Variants in PTPRD observed in about 807,000 individuals in gnomAD.
PTPRD encodes the protein receptor-type tyrosine-protein phosphatase delta.
PTPRD carries 34 observed loss-of-function variants against 214.5 expected under a neutral mutation model. The ratio of observed to expected loss-of-function variants is 0.16; its 90% CI spans 0.12 to 0.21. The LOEUF (loss-of-function observed/expected upper bound fraction) is 0.21. Ranked by LOEUF, PTPRD falls within the 10% of genes least tolerant of loss-of-function variation. The probability of loss-of-function intolerance (pLI) is 1.00; values close to 1 mark genes in which losing one functional copy is unlikely to be tolerated. For missense variants in PTPRD, 2,545 were observed against 2,398.7 expected (o/e 1.06, Z -1.27); for synonymous variants, 1,128 against 845.7 (o/e 1.33, Z -5.79).
At chr9:8,803,357 G>A in intron 11 of PTPRD, among the ~76,000 whole-genome samples, 1 of 152,104 alleles carries the variant, frequency 6.6e-6, no homozygotes, top group East Asian at 1.9e-4. Context: ...AAATAACTAT[G>A]ATTACTGAAA....
chr9:8,869,143 C>A (rs2098250129), intron 11 of PTPRD, among the ~76,000 whole-genome samples: 2 of 152,224 alleles, frequency 1.3e-5, no homozygotes, highest in South Asian at 4.1e-4. Context: ...AGTCTTGATT[C>A]TTGATGCCTT....
chr9:8,600,374 C>T (rs1456872601), intron 14 of PTPRD, among the ~76,000 whole-genome samples: 1 of 152,268 alleles, frequency 6.6e-6, no homozygotes, highest in African/African-American at 2.4e-5. Context: ...TAGTGCTGCA[C>T]TGGGCTCACG....
At chr9:8,594,312 A>G (rs1254490833) in intron 14 of PTPRD, among the ~76,000 whole-genome samples, 2 of 152,350 alleles carry the variant, frequency 1.3e-5, no homozygotes, top group East Asian at 1.9e-4. Context: ...TTTCTATAAT[A>G]GAAAACTTAC....
At chr9:8,553,075 A>G (rs1215213143) in intron 14 of PTPRD, among the ~76,000 whole-genome samples, 1 of 152,158 alleles carries the variant, frequency 6.6e-6, no homozygotes, top group Non-Finnish European at 1.5e-5. Context: ...GAACCACAGA[A>G]TATGAAGAAT....
chr9:9,238,869 C>A (rs1044560870), intron 9 of PTPRD, among the ~76,000 whole-genome samples: 3 of 152,104 alleles, frequency 2.0e-5, no homozygotes, highest in Admixed American at 1.3e-4. Context: ...TGATATTCAG[C>A]CCCTTATTTT....
intron 4 of PTPRD, among the ~76,000 whole-genome samples, chr9:9,959,860 T>C (rs1333528204): frequency 6.6e-6 from 1 of 152,186 alleles, no homozygotes; most frequent in Non-Finnish European, 1.5e-5. Flanking sequence ...ATTAGAGTTG[T>C]AGACATTGGT....
chr9:10,074,847 C>T (rs1692955918), intron 3 of PTPRD, among the ~76,000 whole-genome samples: 1 of 152,096 alleles, frequency 6.6e-6, no homozygotes, highest in Non-Finnish European at 1.5e-5. Flanking sequence ...GTAATATAGC[C>T]ACCATTTCAG....
At chr9:8,895,260 A>G (rs1221299731) in intron 11 of PTPRD, among the ~76,000 whole-genome samples, 1 of 152,176 alleles carries the variant, frequency 6.6e-6, no homozygotes, top group East Asian at 1.9e-4. Context: ...AGACTATTTT[A>G]TAAGATACAC....
At chr9:10,287,201 G>C (rs2095385392) in intron 3 of PTPRD, among the ~76,000 whole-genome samples, 1 of 152,154 alleles carries the variant, frequency 6.6e-6, no homozygotes, top group African/African-American at 2.4e-5. Context: ...AAATTGACAA[G>C]GGTAGCGTCA....
chr9:8,389,434 C>A (rs201895961), intron 36 of PTPRD, 27 bp from the exon 37 acceptor site: 1 of 1,576,488 alleles, frequency 6.3e-7, no homozygotes, highest in Non-Finnish European at 8.6e-7. Flanking sequence ...GTTATTCAAC[C>A]AGGTGAGCAC....
At chr9:9,095,676 T>G (rs1264294504) in intron 10 of PTPRD, among the ~76,000 whole-genome samples, 1 of 152,074 alleles carries the variant, frequency 6.6e-6, no homozygotes, top group African/African-American at 2.4e-5. Flanking sequence ...GGGAGAACCA[T>G]TATGGAAAAC....
At chr9:10,438,005 C>CTATA (rs1180134707) in intron 2 of PTPRD, among the ~76,000 whole-genome samples, 1 of 110,664 alleles carries the variant, frequency 9.0e-6, no homozygotes. Flanking sequence ...CTCCCTAAGT[C>CTATA]TACATATATA....
At chr9:9,398,438 G>A (rs187901465) in intron 8 of PTPRD, among the ~76,000 whole-genome samples, 1 of 152,064 alleles carries the variant, frequency 6.6e-6, no homozygotes, top group African/African-American at 2.4e-5. Flanking sequence ...TTGAGCTAAA[G>A]GAGACAATTT....
chr9:9,038,989 G>C (rs1049808521), intron 10 of PTPRD, among the ~76,000 whole-genome samples: 1 of 152,056 alleles, frequency 6.6e-6, no homozygotes, highest in Non-Finnish European at 1.5e-5. Context: ...AAATAGCATA[G>C]GGTGGTGGTG....
intron 9 of PTPRD, among the ~76,000 whole-genome samples, chr9:9,291,524 G>A (rs1007583511): frequency 1.3e-5 from 2 of 151,026 alleles, no homozygotes; most frequent in South Asian, 4.2e-4. Context: ...ACATAAAACG[G>A]GATTTCCCAG....
intron 2 of PTPRD, among the ~76,000 whole-genome samples, chr9:10,611,169 T>C (rs2080868521): frequency 6.6e-6 from 1 of 152,250 alleles, no homozygotes; most frequent in South Asian, 2.1e-4. Flanking sequence ...AAATTAACAG[T>C]TAAAGATAAA....
intron 6 of PTPRD, among the ~76,000 whole-genome samples, chr9:9,736,301 C>G (rs139518215): frequency 1.2e-4 from 19 of 152,228 alleles, no homozygotes; most frequent in African/African-American, 3.6e-4. Flanking sequence ...ATCTCTCTCT[C>G]TGTGTACTTC....
chr9:8,458,332 T>A (rs1184637961), intron 33 of PTPRD, among the ~76,000 whole-genome samples: 1 of 152,176 alleles, frequency 6.6e-6, no homozygotes, highest in East Asian at 1.9e-4. Context: ...CAAATTTACA[T>A]GACTGATTCA....
At chr9:9,701,620 A>G (rs2097503885) in intron 7 of PTPRD, among the ~76,000 whole-genome samples, 1 of 152,218 alleles carries the variant, frequency 6.6e-6, no homozygotes, top group South Asian at 2.1e-4. Flanking sequence ...CAAATGGGAG[A>G]TACATATGAA....
Sources: allele counts gnomAD v4.1 joint callset (sites outside exome capture counted in the v4.1 genomes callset), GRCh38; gene constraint gnomAD v4.1.1; transcripts MANE v1.5; gene names NCBI Gene and HGNC (gene_info 2026-07-23, HGNC 2026-07-21).